The following LY75 variants were observed in gnomAD, a reference collection of about 807,000 sequenced individuals.
The protein encoded by LY75 is C-type lectin domain family 13 member B.
A neutral mutation model predicts 231.7 loss-of-function variants in LY75; 185 were observed. The ratio of observed to expected loss-of-function variants is 0.80; its 90% CI spans 0.71 to 0.90. The LOEUF is 0.90. LY75 is among the 40% of genes least tolerant of loss of function. The pLI, the probability that LY75 is intolerant of heterozygous loss-of-function variation, is 0.00. For missense variants in LY75, 1,947 were observed against 2,050.2 expected, an observed-to-expected ratio of 0.95 and a Z score of 0.97; for synonymous variants, 668 against 689.0, an observed-to-expected ratio of 0.97 and a Z score of 0.48.
intron 24 of LY75, among the ~76,000 whole-genome samples, chr2:159,841,961 C>T (rs1684044043): frequency 6.6e-6 from 1 of 151,914 alleles, no homozygotes; most frequent in African/African-American, 2.4e-5. Context: ...CTCACTAACC[C>T]AATATGGATT....
chr2:159,881,288 G>A, intron 7 of LY75, 48 bp from the exon 8 acceptor site: 1 of 1,565,822 alleles, frequency 6.4e-7, no homozygotes, highest in Non-Finnish European at 8.6e-7. Context: ...ATTAAATACT[G>A]TAATATGTAC....
At chr2:159,834,890 C>T (rs1574541643) in intron 26 of LY75, among the ~76,000 whole-genome samples, 1 of 152,150 alleles carries the variant, frequency 6.6e-6, no homozygotes, top group Admixed American at 6.5e-5. Context: ...CTACCACAGA[C>T]CCACAAATGT....
Position 159,904,737 on chromosome 2 carries a change from C to G in LY75, c.-55G>C, listed in dbSNP as rs2125890110. ...TCCTCGGGCGCACGCGGCTCCCGCC[C>G]CGCCTGCTGAGCGCGGCCTGCCCCG... On this transcript the variant is annotated 5_prime_UTR_variant, in exon 1 of 35. Transcript: ENST00000263636. 2 of 1,361,596 alleles carry G rather than the reference C, an allele frequency of 1.5e-6. No individual in the cohort carries two copies. Among genetic ancestry groups the G allele is most frequent in the Middle Eastern group, 2.6e-4 (1 of 3,862 alleles). 84.3% of individuals were successfully genotyped at this position (1,361,596 alleles called of 1,614,324 possible). A position where few individuals can be genotyped will look rare whatever the true frequency, so the allele number is the denominator to read the frequency against.
chr2:159,837,618 C>T (rs1683873631), intron 25 of LY75, among the ~76,000 whole-genome samples: 1 of 140,782 alleles, frequency 7.1e-6, no homozygotes, highest in African/African-American at 3.2e-5. Flanking sequence ...AACAATCCTG[C>T]ATGTGTACCC....
At chr2:159,862,217 G>A (rs1036162405) in intron 14 of LY75, among the ~76,000 whole-genome samples, 1 of 151,686 alleles carries the variant, frequency 6.6e-6, no homozygotes, top group South Asian at 2.1e-4. Context: ...GTGTGAACCC[G>A]GGAGGCGGAG....
At position 159,848,068 on chromosome 2, in the gene LY75, G is replaced by GTATATA. The variant is rs557189751; in HGVS notation, c.3150+1906_3150+1911dup. Among the ~76,000 whole-genome samples, 975 of 123,754 alleles carry GTATATA rather than the reference G, an allele frequency of 7.9e-3. 23 individuals carry two copies. Among genetic ancestry groups the GTATATA allele is most frequent in the East Asian group, 0.027 (94 of 3,546 alleles). 81.2% of individuals were successfully genotyped at this position (123,754 alleles called of 152,430 possible). A position where few individuals can be genotyped will look rare whatever the true frequency, so the allele number is the denominator to read the frequency against. The stretch of plus-strand genomic sequence containing the variant: ...TGAATGGATAAAGAAATTATGGTGT[G>GTATATA]TATATATATATATATATATATATAT... On this transcript the variant is annotated intron_variant, in intron 23 of 34. Coordinates refer to ENST00000263636, the MANE Select transcript of LY75 (RefSeq NM_002349.4).
At chr2:159,867,453 G>A (rs184710010) in intron 13 of LY75, among the ~76,000 whole-genome samples, 12 of 152,088 alleles carry the variant, frequency 7.9e-5, no homozygotes, top group Admixed American at 7.2e-4. Flanking sequence ...ATCATAACTG[G>A]GGAATCAAGT....
intron 23 of LY75, among the ~76,000 whole-genome samples, chr2:159,844,696 G>A (rs538168982): frequency 6.7e-6 from 1 of 150,114 alleles, no homozygotes; most frequent in African/African-American, 2.4e-5. Flanking sequence ...CTTTTAGTGA[G>A]ACAGATGCCT....
intron 32 of LY75, 60 bp downstream of exon 32, chr2:159,810,466 C>T: frequency 6.4e-7 from 1 of 1,572,624 alleles, no homozygotes; most frequent in Non-Finnish European, 8.6e-7. Flanking sequence ...CAAATTATAT[C>T]CTTAAGAAAC....
At chr2:159,844,186 C>A (rs1684127622) in intron 23 of LY75, among the ~76,000 whole-genome samples, 1 of 151,880 alleles carries the variant, frequency 6.6e-6, no homozygotes, top group African/African-American at 2.4e-5. Flanking sequence ...AACACATTCC[C>A]AAGTAAAATT....
rs996987549 is a variant in LY75, at chr2:159,853,617, T to C, written c.2663+13A>G. The C allele has an allele frequency of 3.7e-6, 6 of 1,613,216 alleles. No individual in the cohort carries two copies. Among genetic ancestry groups the C allele is most frequent in the South Asian group, 1.1e-5 (1 of 91,074 alleles). On this transcript the variant is annotated intron_variant, in intron 19 of 34. Coordinates refer to ENST00000263636, the MANE Select transcript of LY75 (RefSeq NM_002349.4). ...GATAACTTTACAAAGGTAGAATCAATGATGTCACCTACTATGTAAAATGAT... is the reference window on the plus strand; with the variant it reads ...GATAACTTTACAAAGGTAGAATCAACGATGTCACCTACTATGTAAAATGAT...
intron 1 of LY75, among the ~76,000 whole-genome samples, chr2:159,900,196 A>G (rs1340496399): frequency 6.6e-6 from 1 of 152,232 alleles, no homozygotes; most frequent in Non-Finnish European, 1.5e-5. Flanking sequence ...AGTAAGGACA[A>G]TTATTGAAGT....
intron 13 of LY75, 75 bp from the exon 14 acceptor site, chr2:159,864,995 C>A (rs933320016): frequency 1.5e-6 from 2 of 1,309,450 alleles, no homozygotes; most frequent in East Asian, 5.3e-5. Context: ...GTCTAATGTG[C>A]ATCACTAATT....
rs1440152457 is a variant in LY75, at chr2:159,814,613, C to A, written c.4549+792G>T. On this transcript the variant is annotated intron_variant, in intron 31 of 34. Transcript: ENST00000263636. ...AAGGCTGCAGTGAGCCATGTTCATG[C>A]CACTGCACTCCAGTCTGGGCAACAG... 6.1e-5 allele frequency among the ~76,000 whole-genome samples: 9 copies of A among 148,082 alleles called. No homozygotes were observed. In the East Asian group the frequency reaches 1.8e-3, roughly 30 times the overall value.
chr2:159,881,151 A>G lies in LY75; in HGVS notation c.1336T>C (p.Tyr446His). Residue 446 changes from tyrosine (Y) to histidine (H), a missense_variant, in exon 8 of 35, where the codon TAT becomes CAT. Transcript: ENST00000263636. ...ACATTTGGCTCATTCTCATCCCAATATGTTAGAGTAACTTCAGTACCATCT... is the reference window on the plus strand; with the variant it reads ...ACATTTGGCTCATTCTCATCCCAATGTGTTAGAGTAACTTCAGTACCATCT... The part of the protein sequence containing the change: ...WSDGTEVTLT[Y>H]WDENEPNVPY... 6.2e-7 allele frequency: 1 copy of G among 1,613,930 alleles called. No homozygotes were observed. The highest frequency in any genetic ancestry group is 8.5e-7 in the Non-Finnish European group (1 of 1,179,904).
At chr2:159,870,523 C>T (rs903306524) in intron 13 of LY75, among the ~76,000 whole-genome samples, 10 of 152,070 alleles carry the variant, frequency 6.6e-5, no homozygotes, top group African/African-American at 1.9e-4. Context: ...TTATTTTTTA[C>T]AGACAGCATC....
intron 11 of LY75, 136 bp from the exon 12 acceptor site, chr2:159,875,779 A>G (rs540552241): frequency 1.1e-5 from 12 of 1,070,710 alleles, no homozygotes; most frequent in Non-Finnish European, 1.6e-5. Flanking sequence ...GGAAAGAAAT[A>G]TGTTGTTCAG....
chr2:159,821,869 G>A (rs1227680781), intron 28 of LY75, among the ~76,000 whole-genome samples: 2 of 152,196 alleles, frequency 1.3e-5, no homozygotes, highest in African/African-American at 2.4e-5. Flanking sequence ...GTTGGACAGT[G>A]GGTGCAGCCC....
At chr2:159,863,894 C>T (rs1475494757) in intron 14 of LY75, among the ~76,000 whole-genome samples, 2 of 152,090 alleles carry the variant, frequency 1.3e-5, no homozygotes, top group Admixed American at 6.5e-5. Context: ...TTTACTGTAC[C>T]TTTTCTATGT....
Sources: allele counts gnomAD v4.1 joint callset (sites outside exome capture counted in the v4.1 genomes callset), GRCh38; gene constraint gnomAD v4.1.1; transcripts MANE v1.5; gene names NCBI Gene and HGNC (gene_info 2026-07-23, HGNC 2026-07-21).